Variants in PIWIL3 observed in about 807,000 individuals in gnomAD.
The protein encoded by PIWIL3 is piwi like RNA-mediated gene silencing 3, also known as piwi-like protein 3.
PIWIL3 carries 101 observed loss-of-function variants against 109.7 expected under a neutral mutation model. The observed-to-expected ratio is 0.92, with a 90% CI of 0.78 to 1.09. The LOEUF (loss-of-function observed/expected upper bound fraction) is 1.09, where lower values mean the gene tolerates loss of function less well. PIWIL3 is among the 50% of genes least tolerant of loss of function. The probability of loss-of-function intolerance (pLI) is 0.00; values close to 1 mark genes in which losing one functional copy is unlikely to be tolerated. For synonymous variants in PIWIL3, 373 were observed against 376.4 expected (o/e 0.99, Z 0.10); for missense variants, 1,031 against 1,072.6 (o/e 0.96, Z 0.54).
At position 24,735,886 on chromosome 22, in the gene PIWIL3, C is replaced by T; in HGVS notation, c.1456G>A (p.Ala486Thr). Residue 486 changes from alanine (A) to threonine (T), a missense_variant, in exon 13 of 21, where the codon GCC becomes ACC. Transcript: ENST00000616349. The part of the protein sequence containing the change: ...NIVQGRRMVK[A>T]NSQGDWSREI... ...CTTGACCAGTCTCCTTGTGAATTGGCTTTAACCTGGAAAAGAATTATAAGA... is the reference window on the plus strand; with the variant it reads ...CTTGACCAGTCTCCTTGTGAATTGGTTTTAACCTGGAAAAGAATTATAAGA... The T allele has an allele frequency of 6.3e-7, 1 of 1,594,936 alleles. No individual in the cohort carries two copies. The highest frequency in any genetic ancestry group is 8.5e-7 in the Non-Finnish European group (1 of 1,173,466).
intron 14 of PIWIL3, among the ~76,000 whole-genome samples, chr22:24,728,992 G>C (rs1416629447): frequency 6.6e-6 from 1 of 152,198 alleles, no homozygotes; most frequent in Non-Finnish European, 1.5e-5. Flanking sequence ...GCACAGATAA[G>C]GGAGCAAGGC....
chr22:24,769,292 G>T (rs1450169766), intron 1 of PIWIL3, among the ~76,000 whole-genome samples: 1 of 152,178 alleles, frequency 6.6e-6, no homozygotes, highest in Non-Finnish European at 1.5e-5. Context: ...GGCCACATTG[G>T]AAGAATTGTT....
Position 24,759,164 on chromosome 22 carries a change from T to C in PIWIL3, c.223+705A>G, listed in dbSNP as rs540365711. ...CCACCCGGGCCTCCCAAAGTGCTGA[T>C]GTGAGCCACTGCACCCAGTCCATGT... On this transcript the variant is annotated intron_variant, in intron 3 of 20. Coordinates refer to ENST00000616349, the MANE Select transcript of PIWIL3 (RefSeq NM_001255975.1). 7.2e-5 allele frequency among the ~76,000 whole-genome samples: 11 copies of C among 152,344 alleles called. No individual in the cohort carries two copies. The South Asian group carries it at 2.3e-3, about 32-fold the overall frequency.
intron 15 of PIWIL3, 51 bp downstream of exon 15, chr22:24,728,126 C>G (rs1923105229): frequency 4.4e-6 from 7 of 1,608,886 alleles, no homozygotes; most frequent in Non-Finnish European, 6.0e-6. Context: ...TTAAGAGAAT[C>G]TCAAGTTTTA....
In PIWIL3 at chr22:24,725,510, T is replaced by C; in HGVS notation, c.2015A>G (p.Tyr672Cys). 1 of 1,614,028 alleles carries C rather than the reference T, an allele frequency of 6.2e-7. No individual in the cohort carries two copies. Among genetic ancestry groups the C allele is most frequent in the Middle Eastern group, 1.6e-4 (1 of 6,062 alleles). The change falls in exon 17 of 21, where the codon TAC becomes TGC. Residue 672 changes from tyrosine (Y) to cysteine (C), a missense_variant. By Grantham distance (194) the Tyr-to-Cys change is radical. Transcript: ENST00000616349. Reference sequence around the variant, plus strand: ...TGTTTTCTGGATGACACATTGAGAGTACCACCTGTTCACAGAAAAACCACC... The same window carrying C: ...TGTTTTCTGGATGACACATTGAGAGCACCACCTGTTCACAGAAAAACCACC... ...ASTNAELTKW[Y>C]SQCVIQKTGE...
chr22:24,768,723 C>G (rs1205460252), intron 1 of PIWIL3, among the ~76,000 whole-genome samples: 5 of 152,190 alleles, frequency 3.3e-5, no homozygotes, highest in Non-Finnish European at 7.3e-5. Context: ...GAACGCAACT[C>G]TGCAGGTGGA....
chr22:24,749,916 G>C, intron 9 of PIWIL3, 97 bp from the exon 10 acceptor site: 1 of 1,552,002 alleles, frequency 6.4e-7, no homozygotes, highest in Non-Finnish European at 8.9e-7. Flanking sequence ...TACAAATGAA[G>C]GGCCACAGGC....
At position 24,762,421 on chromosome 22, in the gene PIWIL3, G is replaced by A. The variant is rs756759927; in HGVS notation, c.79C>T (p.Pro27Ser). 10 of 1,613,776 alleles carry A rather than the reference G, an allele frequency of 6.2e-6. No individual in the cohort carries two copies. In the African/African-American group the frequency reaches 1.2e-4, roughly 19 times the overall value. The change falls in exon 2 of 21, where the codon CCC becomes TCC. Residue 27 changes from proline to serine, a missense_variant. Pro to Ser is a moderately conservative substitution (Grantham distance 74, BLOSUM62 -1). Coordinates refer to ENST00000616349, the MANE Select transcript of PIWIL3 (RefSeq NM_001255975.1). ...ESYQQEAPGG[P>S]RAPGSATTQE... ...ACTGTAGCTGATCCAGGTGCTCTGGGTCCCCCAGGTGCCTCTTGTTGGTAG... is the reference window on the plus strand; with the variant it reads ...ACTGTAGCTGATCCAGGTGCTCTGGATCCCCCAGGTGCCTCTTGTTGGTAG...
intron 14 of PIWIL3, among the ~76,000 whole-genome samples, chr22:24,729,953 TTA>T (rs1923239499): frequency 6.6e-6 from 1 of 152,102 alleles, no homozygotes; most frequent in East Asian, 1.9e-4. Flanking sequence ...TTTTTTAGCT[TTA>T]GTCTTCTTCA....
At position 24,755,832 on chromosome 22, in the gene PIWIL3, G is replaced by T; in HGVS notation, c.644C>A (p.Thr215Lys). 1 of 1,613,858 alleles carries T rather than the reference G, an allele frequency of 6.2e-7. No individual in the cohort carries two copies. Among genetic ancestry groups the T allele is most frequent in the Non-Finnish European group, 8.5e-7 (1 of 1,179,908 alleles). ...GCGTAGGCAATCTGGCGACGTGGGC[G>T]TGAGTTCTTTGGAAAACTCAACTGT... is the stretch of plus-strand genomic sequence containing the variant. ...KITVEFSKEL[T>K]PTSPDCLRYY... Residue 215 changes from threonine (T) to lysine (K), a missense_variant, in exon 6 of 21, where the codon ACG (threonine) becomes AAG (lysine). Transcript: ENST00000616349.
intron 16 of PIWIL3, among the ~76,000 whole-genome samples, chr22:24,727,094 A>G (rs1356805163): frequency 2.0e-5 from 3 of 152,240 alleles, no homozygotes; most frequent in Non-Finnish European, 4.4e-5. Flanking sequence ...ATCTCTGGCC[A>G]CTAATTATGT....
chr22:24,757,079 C>CAGAAAA (rs1925082423), intron 4 of PIWIL3, among the ~76,000 whole-genome samples: 1 of 91,738 alleles, frequency 1.1e-5, no homozygotes, highest in Admixed American at 1.4e-4. Context: ...AACTCCGTCT[C>CAGAAAA]AAAAAAAAAA....
Position 24,719,438 on chromosome 22 carries a change from G to T in PIWIL3, c.*34C>A. 1 of 1,438,826 alleles carries T rather than the reference G, an allele frequency of 7.0e-7. No individual in the cohort carries two copies. Among genetic ancestry groups the T allele is most frequent in the Non-Finnish European group, 9.5e-7 (1 of 1,057,960 alleles). The allele number at this position is 1,438,826 out of a possible 1,614,324, so 89.1% of individuals were successfully genotyped here. ...AAAGGAAGACAGGCTTACACGTTGT[G>T]GTTTCATTAGCACATCAGGTCTTCT... On this transcript the variant is annotated 3_prime_UTR_variant, in exon 21 of 21. Coordinates refer to ENST00000616349, the MANE Select transcript of PIWIL3 (RefSeq NM_001255975.1).
chr22:24,764,729 T>G (rs1368994981), intron 1 of PIWIL3, among the ~76,000 whole-genome samples: 1 of 148,644 alleles, frequency 6.7e-6, no homozygotes, highest in Admixed American at 6.8e-5. Flanking sequence ...CTCCACTCAC[T>G]GCAACCTCAA....
intron 7 of PIWIL3, 83 bp downstream of exon 7, chr22:24,754,701 A>AC: frequency 8.8e-7 from 1 of 1,132,520 alleles, no homozygotes; most frequent in South Asian, 1.3e-5. Context: ...AAGGCATACC[A>AC]CTTCAAATAT....
chr22:24,757,951 C>T lies in PIWIL3; in HGVS notation c.312G>A (p.Val104=), dbSNP rs1925192625. ...CATGCTTCATATCTTGCCTGGTGTT[C>T]ACCACCAGGTCTTGAAAAACTCCAC... ...RIGGVFQDLV[V]NTRQDMKHVK... The change falls in exon 4 of 21, where the codon GTG becomes GTA. Residue 104 remains valine (V), a synonymous_variant. Transcript: ENST00000616349. The T allele has an allele frequency of 1.2e-6, 2 of 1,613,426 alleles. No individual in the cohort carries two copies. The highest frequency in any genetic ancestry group is 2.7e-5 in the African/African-American group (2 of 74,938).
intron 12 of PIWIL3, among the ~76,000 whole-genome samples, chr22:24,741,452 C>CAAGG (rs1385427094): frequency 6.6e-5 from 10 of 152,048 alleles, no homozygotes; most frequent in Non-Finnish European, 1.5e-5. Context: ...TGTAGTGAAC[C>CAAGG]AAGGTTGTGC....
chr22:24,735,914 T>C (rs774046826), intron 12 of PIWIL3, 22 bp from the exon 13 acceptor site: 40 of 1,562,538 alleles, frequency 2.6e-5, no homozygotes, highest in Non-Finnish European at 3.4e-5. Flanking sequence ...TTATAAGACA[T>C]GGCATAAAAC....
chr22:24,735,602 C>G (rs1923610159), intron 13 of PIWIL3, 106 bp downstream of exon 13: 3 of 1,149,950 alleles, frequency 2.6e-6, no homozygotes, highest in Non-Finnish European at 3.6e-6. Context: ...TTTACAAACT[C>G]TAAGGTTTTG....
Sources: allele counts gnomAD v4.1 joint callset (sites outside exome capture counted in the v4.1 genomes callset), GRCh38; gene constraint gnomAD v4.1.1; transcripts MANE v1.5; gene names NCBI Gene and HGNC (gene_info 2026-07-23, HGNC 2026-07-21).